Variants in CEP85L observed in about 807,000 individuals in gnomAD.
CEP85L encodes the protein centrosomal protein of 85 kDa-like.
CEP85L carries 60 observed loss-of-function variants against 100.3 expected under a neutral mutation model. The ratio of observed to expected loss-of-function variants is 0.60; its 90% CI spans 0.49 to 0.74. The LOEUF is 0.74. Ranked by LOEUF, CEP85L falls within the 30% of genes least tolerant of loss-of-function variation. The pLI is 0.00. For synonymous variants in CEP85L, 319 were observed against 322.7 expected (o/e 0.99, Z 0.12); for missense variants, 973 against 936.2 (o/e 1.04, Z -0.51).
rs1203444054 is a variant in CEP85L, at chr6:118,632,479, C to G, written c.206G>C (p.Gly69Ala). 2 of 1,606,820 alleles carry G rather than the reference C, an allele frequency of 1.2e-6. No homozygotes were observed. The highest frequency in any genetic ancestry group is 1.3e-5 in the African/African-American group (1 of 74,670). ...IASDSGDTGI[G>A]TSCSDSVEDH... ...TTCCACGCTATCAGAACAGGAAGTTCCAATGCCAGTGTCTCCACTGTCAGA... is the reference window on the plus strand; with the variant it reads ...TTCCACGCTATCAGAACAGGAAGTTGCAATGCCAGTGTCTCCACTGTCAGA... The change falls in exon 2 of 13, where the codon GGA becomes GCA. Residue 69 changes from glycine (G) to alanine (A), a missense_variant. This residue lies in a region of CEP85L where 4 missense variants were observed against 18.3 expected (regional missense o/e 0.22). Transcript: ENST00000368491.
rs549816193 is a variant in CEP85L at position 118,536,192 on chromosome 6, C to A, written c.1021-12272G>T. On this transcript the variant is annotated intron_variant, in intron 3 of 12. Coordinates refer to ENST00000368491, the MANE Select transcript of CEP85L (RefSeq NM_001042475.3). ...AAAACAGAACTACTATTATACAAAA[C>A]AACATAGATTAAATTCAGAGACATT... 4.4e-3 allele frequency among the ~76,000 whole-genome samples: 665 copies of A among 152,128 alleles called. 6 individuals are homozygous for A. The highest frequency in any genetic ancestry group is 0.015 in the African/African-American group (634 of 41,492).
At chr6:118,517,291 C>A (rs533975776) in intron 4 of CEP85L, among the ~76,000 whole-genome samples, 2 of 152,198 alleles carry the variant, frequency 1.3e-5, no homozygotes, top group African/African-American at 4.8e-5. Flanking sequence ...AAGTCAATGG[C>A]AGCTTGATGG....
chr6:118,468,948 A>G (rs1772732628), intron 12 of CEP85L, 124 bp downstream of exon 12: 1 of 669,906 alleles, frequency 1.5e-6, no homozygotes, highest in Non-Finnish European at 2.6e-6. Flanking sequence ...ATAAACCCAC[A>G]GACTGATTCT....
chr6:118,611,842 C>A (rs1471765269), intron 2 of CEP85L, among the ~76,000 whole-genome samples: 1 of 152,056 alleles, frequency 6.6e-6, no homozygotes, highest in Non-Finnish European at 1.5e-5. Context: ...AATGTGGCTG[C>A]AATATATAAA....
At chr6:118,558,654 CACACACAG>C (rs1466235777) in intron 3 of CEP85L, among the ~76,000 whole-genome samples, 135 of 131,618 alleles carry the variant, frequency 1.0e-3, no homozygotes, top group African/African-American at 3.7e-3. Flanking sequence ...CACACACACA[CACACACAG>C]AGAGAGAGAG....
chr6:118,512,989 T>G (rs1233240002), intron 4 of CEP85L, among the ~76,000 whole-genome samples: 1 of 152,210 alleles, frequency 6.6e-6, no homozygotes, highest in African/African-American at 2.4e-5. Context: ...TTATAACTAT[T>G]CATATGCTTA....
intron 2 of CEP85L, among the ~76,000 whole-genome samples, chr6:118,617,480 G>A (rs371369563): frequency 1.4e-4 from 22 of 152,236 alleles, no homozygotes; most frequent in Middle Eastern, 6.8e-3. Flanking sequence ...TCAGGTAAGC[G>A]TAAGTCGCAA....
intron 1 of CEP85L, among the ~76,000 whole-genome samples, chr6:118,681,653 G>A (rs1776662503): frequency 6.6e-6 from 1 of 151,664 alleles, no homozygotes; most frequent in Non-Finnish European, 1.5e-5. Flanking sequence ...TTTGGGGATA[G>A]AGTTTTAAGA....
At chr6:118,473,597 T>G (rs1273968675) in intron 10 of CEP85L, among the ~76,000 whole-genome samples, 1 of 152,182 alleles carries the variant, frequency 6.6e-6, no homozygotes, top group East Asian at 1.9e-4. Flanking sequence ...TGAAGAGTTC[T>G]GAGCAGAGAC....
intron 3 of CEP85L, chr6:118,560,030 G>A (rs1243232301): frequency 6.0e-6 from 1 of 166,870 alleles, no homozygotes; most frequent in African/African-American, 2.4e-5. Flanking sequence ...ATCCAATGCA[G>A]GCAAGGAAAA....
chr6:118,477,386 G>A (rs1422368326), intron 10 of CEP85L, among the ~76,000 whole-genome samples: 2 of 152,128 alleles, frequency 1.3e-5, no homozygotes, highest in South Asian at 2.1e-4. Flanking sequence ...TTCGAAAGCT[G>A]TGAATAAATA....
At chr6:118,696,888 C>A (rs760796458) in intron 1 of CEP85L, among the ~76,000 whole-genome samples, 51 of 152,228 alleles carry the variant, frequency 3.4e-4, no homozygotes, top group Non-Finnish European at 4.4e-4. Flanking sequence ...GCTTTGCCAT[C>A]CTGAGCATAT....
chr6:118,567,872 T>C (rs902025834), intron 2 of CEP85L, among the ~76,000 whole-genome samples: 2 of 152,180 alleles, frequency 1.3e-5, no homozygotes, highest in Non-Finnish European at 2.9e-5. Context: ...TGAAGGAATA[T>C]AAACAGAAGT....
chr6:118,541,742 A>G (rs952431088), intron 3 of CEP85L, among the ~76,000 whole-genome samples: 5 of 152,208 alleles, frequency 3.3e-5, no homozygotes, highest in Admixed American at 1.3e-4. Flanking sequence ...TTAGAGCAGG[A>G]GCACTGATCA....
In CEP85L at chr6:118,465,130, A is replaced by C; in HGVS notation, c.*275T>G. Reference sequence around the variant, plus strand: ...CCTTCATGTGAAGGGTACTCTTCACAGCTTGGTCCTACAATCAGTAGTTTG... The same window carrying C: ...CCTTCATGTGAAGGGTACTCTTCACCGCTTGGTCCTACAATCAGTAGTTTG... On this transcript the variant is annotated 3_prime_UTR_variant, in exon 13 of 13. Transcript: ENST00000368491. 3.0e-6 allele frequency: 1 copy of C among 336,062 alleles called. No homozygotes were observed. The highest frequency in any genetic ancestry group is 5.5e-6 in the Non-Finnish European group (1 of 182,510). The allele number at this position is 336,062 out of a possible 1,614,324, so 20.8% of individuals were successfully genotyped here.
At chr6:118,520,226 G>T (rs923578260) in intron 4 of CEP85L, among the ~76,000 whole-genome samples, 4 of 151,976 alleles carry the variant, frequency 2.6e-5, no homozygotes, top group African/African-American at 9.7e-5. Flanking sequence ...GGCAAGAAAA[G>T]GAAATAAAAA....
Position 118,651,575 on chromosome 6 carries a change from G to A in CEP85L, c.-306C>T. The A allele has an allele frequency of 8.6e-7, 1 of 1,157,366 alleles. No homozygotes were observed. Among genetic ancestry groups the A allele is most frequent in the Non-Finnish European group, 1.1e-6 (1 of 939,882 alleles). The allele number at this position is 1,157,366 out of a possible 1,614,324, so 71.7% of individuals were successfully genotyped here. The stretch of plus-strand genomic sequence containing the variant: ...AGGCTCAAAGGCTCCAGGCGAAGTT[G>A]CAGCTGCGGGTTCTCTCCGCCCCCT... On this transcript the variant is annotated 5_prime_UTR_variant, in exon 1 of 13. Transcript: ENST00000368491.
At chr6:118,485,101 C>T (rs1303068300) in intron 6 of CEP85L, among the ~76,000 whole-genome samples, 1 of 152,096 alleles carries the variant, frequency 6.6e-6, no homozygotes, top group Admixed American at 6.5e-5. Context: ...TTTTCATGTA[C>T]TTTTTACCCC....
At chr6:118,632,001 T>C (rs1774190758) in intron 2 of CEP85L, among the ~76,000 whole-genome samples, 1 of 152,186 alleles carries the variant, frequency 6.6e-6, no homozygotes, top group Non-Finnish European at 1.5e-5. Flanking sequence ...GACAATTTTC[T>C]TTTTTTGAGA....
Sources: gnomAD v4.1 joint callset for allele counts (sites outside exome capture counted in the v4.1 genomes callset) on GRCh38, gnomAD v4.1.1 for gene constraint, gnomAD v4.1.1 regional missense constraint, MANE v1.5 for transcripts, NCBI Gene and HGNC (gene_info 2026-07-23, HGNC 2026-07-21) for gene names.